The following FRAS1 variants were observed in gnomAD, a reference collection of about 807,000 sequenced individuals.
The protein encoded by FRAS1 is Fraser extracellular matrix complex subunit 1.
Under a neutral mutation model 435.2 loss-of-function variants are expected in FRAS1, and 290 were observed. The observed-to-expected ratio is 0.67, with a 90% confidence interval of 0.61 to 0.73. The LOEUF (loss-of-function observed/expected upper bound fraction) is 0.73, where lower values mean the gene tolerates loss of function less well. Ranked by LOEUF, FRAS1 falls within the 30% of genes least tolerant of loss-of-function variation. FRAS1 has a pLI of 0.00. For synonymous variants in FRAS1, 1,800 were observed against 1,851.0 expected (o/e 0.97, Z 0.71); for missense variants, 4,860 against 5,001.5 (o/e 0.97, Z 0.85).
intron 46 of FRAS1, 82 bp downstream of exon 46, chr4:78,451,973 G>C: frequency 7.0e-7 from 1 of 1,421,448 alleles, no homozygotes; most frequent in Non-Finnish European, 9.5e-7. Context: ...TCACCTCGAG[G>C]CTCGAGTCCT....
intron 2 of FRAS1, among the ~76,000 whole-genome samples, chr4:78,129,713 A>T (rs1052489025): frequency 2.0e-5 from 3 of 152,144 alleles, no homozygotes; most frequent in African/African-American, 7.2e-5. Context: ...TTCAACCAAT[A>T]TGATCCTTCT....
intron 26 of FRAS1, among the ~76,000 whole-genome samples, chr4:78,376,805 A>G (rs1394496318): frequency 1.3e-5 from 2 of 152,148 alleles, no homozygotes; most frequent in East Asian, 3.9e-4. Flanking sequence ...AGCCTGGTCA[A>G]CATGGCAAAA....
chr4:78,432,934 A>T (rs569032299), intron 38 of FRAS1, among the ~76,000 whole-genome samples: 2 of 152,354 alleles, frequency 1.3e-5, no homozygotes, highest in Non-Finnish European at 2.9e-5. Context: ...TGGGAAGTTT[A>T]GGAAAAAAAC....
In FRAS1 at chr4:78,245,324, A is replaced by T. The variant is rs78711748; in HGVS notation, c.308A>T (p.Glu103Val). 9,553 of 1,591,524 alleles carry T rather than the reference A, an allele frequency of 6.0e-3. 140 individuals are homozygous for T. The highest frequency in any genetic ancestry group is 0.042 in the African/African-American group (3,109 of 74,600). Reference sequence around the variant, plus strand: ...TGCCATCATGAAAAGAAAATCCATGAGGTAAGTGTTTTCTGACTCACGGTT... The same window carrying T: ...TGCCATCATGAAAAGAAAATCCATGTGGTAAGTGTTTTCTGACTCACGGTT... ...GSCHHEKKIH[E>V]HGTEWASSPC... The change falls in exon 4 of 74, where the codon GAG becomes GTG. Residue 103 changes from glutamate to valine, a missense_variant and splice_region_variant. By Grantham distance (121) the Glu-to-Val change is moderately radical (BLOSUM62 -2). Transcript: ENST00000512123.
chr4:78,287,244 TG>T (rs1031732395), intron 14 of FRAS1, among the ~76,000 whole-genome samples: 1 of 152,134 alleles, frequency 6.6e-6, no homozygotes, highest in African/African-American at 2.4e-5. Context: ...GAGAACAGCA[TG>T]GGGGAAACTG....
chr4:78,106,336 T>A (rs1377471808), intron 2 of FRAS1, among the ~76,000 whole-genome samples: 3 of 55,352 alleles, frequency 5.4e-5, no homozygotes, highest in Non-Finnish European at 1.1e-4. Flanking sequence ...CTCTGCAGAC[T>A]TAAGTGTCCC....
rs113420242 is a variant in FRAS1, at chr4:78,376,650, C to T, written c.3292+771C>T. 1.2e-4 allele frequency among the ~76,000 whole-genome samples: 18 copies of T among 152,210 alleles called. No individual in the cohort carries two copies. In the East Asian group the frequency reaches 1.7e-3, roughly 15 times the overall value. The stretch of plus-strand genomic sequence containing the variant: ...TGAGGAGTCTGCTTCATGAGGTTCA[C>T]ATGTTTCTAGTGGATGGATTTCAGG... On this transcript the variant is annotated intron_variant, in intron 26 of 73. Coordinates refer to ENST00000512123, the MANE Select transcript of FRAS1 (RefSeq NM_025074.7).
intron 2 of FRAS1, among the ~76,000 whole-genome samples, chr4:78,157,178 G>T (rs1220721024): frequency 6.6e-6 from 1 of 152,180 alleles, no homozygotes; most frequent in East Asian, 1.9e-4. Flanking sequence ...TGGCTGTGTA[G>T]TTCCATGGTA....
chr4:78,254,025 C>A, intron 5 of FRAS1, among the ~76,000 whole-genome samples: 1 of 53,428 alleles, frequency 1.9e-5, no homozygotes, highest in Non-Finnish European at 4.2e-5. Flanking sequence ...TAAAGACATG[C>A]TCCCCATGTA....
intron 20 of FRAS1, among the ~76,000 whole-genome samples, chr4:78,362,794 G>A (rs572086303): frequency 2.6e-5 from 4 of 152,240 alleles, no homozygotes; most frequent in East Asian, 1.9e-4. Context: ...AGGACAGGTC[G>A]TCTTTCCCCA....
chr4:78,294,466 A>G (rs1728052749), intron 14 of FRAS1, among the ~76,000 whole-genome samples: 1 of 152,138 alleles, frequency 6.6e-6, no homozygotes, highest in Non-Finnish European at 1.5e-5. Flanking sequence ...CTTGGATTAT[A>G]CCTATGTTGT....
intron 61 of FRAS1, among the ~76,000 whole-genome samples, chr4:78,502,003 G>A (rs1251428790): frequency 6.6e-6 from 1 of 152,140 alleles, no homozygotes; most frequent in Non-Finnish European, 1.5e-5. Flanking sequence ...GCTTTTGTCA[G>A]GTTTGTCAAA....
chr4:78,357,476 G>A (rs186543161), intron 20 of FRAS1, among the ~76,000 whole-genome samples: 25 of 152,304 alleles, frequency 1.6e-4, no homozygotes, highest in African/African-American at 5.3e-4. Context: ...GGGCAGGCAG[G>A]AGCAAAGGGA....
intron 58 of FRAS1, among the ~76,000 whole-genome samples, chr4:78,483,423 T>C (rs1475071876): frequency 6.6e-6 from 1 of 152,082 alleles, no homozygotes; most frequent in Non-Finnish European, 1.5e-5. Context: ...GTTTGGATAC[T>C]AGGGTTTGGT....
At chr4:78,060,083 T>C (rs1342801774) in intron 1 of FRAS1, among the ~76,000 whole-genome samples, 2 of 152,204 alleles carry the variant, frequency 1.3e-5, no homozygotes, top group East Asian at 3.8e-4. Context: ...AATGAATGAA[T>C]GAACATGGCC....
At chr4:78,159,089 G>A (rs1423876026) in intron 2 of FRAS1, among the ~76,000 whole-genome samples, 1 of 152,164 alleles carries the variant, frequency 6.6e-6, no homozygotes, top group Non-Finnish European at 1.5e-5. Context: ...TGATGCTTGT[G>A]TGATTGGGCA....
chr4:78,396,969 T>C (rs1732698387), intron 29 of FRAS1, among the ~76,000 whole-genome samples: 1 of 152,234 alleles, frequency 6.6e-6, no homozygotes, highest in Admixed American at 6.5e-5. Context: ...GTTGTGCTTC[T>C]TTAAGATGTC....
At chr4:78,389,014 T>G (rs1480600313) in intron 29 of FRAS1, among the ~76,000 whole-genome samples, 7 of 152,214 alleles carry the variant, frequency 4.6e-5, no homozygotes, top group African/African-American at 1.7e-4. Flanking sequence ...TTTTCTAAAA[T>G]ATGAAAAATA....
chr4:78,202,807 G>C lies in FRAS1; in HGVS notation c.109-34703G>C, dbSNP rs145521324. On this transcript the variant is annotated intron_variant, in intron 2 of 73. Transcript: ENST00000512123. Reference sequence around the variant, plus strand: ...AGCTCCCAAGCTCCCACACCCACGTGTTAAGCACTGCCTCAGGTAAAGGGG... The same window carrying C: ...AGCTCCCAAGCTCCCACACCCACGTCTTAAGCACTGCCTCAGGTAAAGGGG... Among the ~76,000 whole-genome samples the C allele has an allele frequency of 7.9e-5, 12 of 152,362 alleles. No individual in the cohort carries two copies. In the East Asian group the frequency reaches 2.3e-3, roughly 29 times the overall value.
Sources: allele counts gnomAD v4.1 joint callset (sites outside exome capture counted in the v4.1 genomes callset), GRCh38; gene constraint gnomAD v4.1.1; transcripts MANE v1.5; gene names NCBI Gene and HGNC (gene_info 2026-07-23, HGNC 2026-07-21).